The following DPP6 variants were observed in gnomAD, a reference collection of about 807,000 sequenced individuals.
DPP6 encodes the protein A-type potassium channel modulatory protein DPP6.
In DPP6, 69 loss-of-function variants were observed where a neutral mutation model predicts 122.6. That is an observed-to-expected ratio of 0.56 (90% CI 0.46 to 0.69). The LOEUF (loss-of-function observed/expected upper bound fraction) is 0.69, where lower values mean the gene tolerates loss of function less well. Ranked by LOEUF, DPP6 falls within the 30% of genes least tolerant of loss-of-function variation. DPP6 has a pLI of 0.00. For synonymous variants in DPP6, 418 were observed against 433.1 expected (o/e 0.97, Z 0.43); for missense variants, 928 against 1,116.9 (o/e 0.83, Z 2.41).
the DPP6 span, among the ~76,000 whole-genome samples, chr7:153,865,300 A>G: frequency 3.3e-5 from 5 of 152,238 alleles, no homozygotes; most frequent in African/African-American, 1.2e-4. Context: ...CATTCAAAAC[A>G]ACAACCACAG....
intron 1 of DPP6, among the ~76,000 whole-genome samples, chr7:154,125,590 C>T (rs4639427): frequency 0.41 from 62,677 of 152,024 alleles, 14,130 homozygotes; most frequent in Non-Finnish European, 0.51. Context: ...AACACCCCAT[C>T]GGTAGGGCAC....
chr7:154,281,214 T>C (rs1007629106), intron 1 of DPP6, among the ~76,000 whole-genome samples: 2 of 152,010 alleles, frequency 1.3e-5, no homozygotes, highest in Non-Finnish European at 2.9e-5. Context: ...GGTTTCACTA[T>C]GTTGGCCAGG....
At chr7:153,863,569 C>T in the DPP6 span, among the ~76,000 whole-genome samples, 1 of 152,132 alleles carries the variant, frequency 6.6e-6, no homozygotes, top group African/African-American at 2.4e-5. Context: ...AGACTCCCAT[C>T]TCTAAAGAAA....
intron 3 of DPP6, among the ~76,000 whole-genome samples, chr7:154,532,002 A>T (rs1053137564): frequency 5.9e-5 from 9 of 152,154 alleles, no homozygotes; most frequent in Non-Finnish European, 8.8e-5. Flanking sequence ...CAGAGGAGAC[A>T]CTTAGAAAAC....
chr7:154,073,474 G>T (rs1371491345), intron 1 of DPP6, among the ~76,000 whole-genome samples: 2 of 152,272 alleles, frequency 1.3e-5, no homozygotes, highest in African/African-American at 4.8e-5. Flanking sequence ...ATCACACTTA[G>T]TGTTTTATAC....
chr7:154,653,357 A>G (rs1837004785), intron 6 of DPP6, among the ~76,000 whole-genome samples: 1 of 152,120 alleles, frequency 6.6e-6, no homozygotes, highest in African/African-American at 2.4e-5. Flanking sequence ...CTAAACATAG[A>G]TAGATAGATT....
At chr7:153,757,663 A>G in the DPP6 span, among the ~76,000 whole-genome samples, 7 of 152,204 alleles carry the variant, frequency 4.6e-5, no homozygotes, top group Admixed American at 4.6e-4. Flanking sequence ...TTCCAAGCCT[A>G]GAAAGAACCA....
rs867626361 is a variant in DPP6, at chr7:154,060,998, G to A, written c.243+7935G>A. Among the ~76,000 whole-genome samples the A allele has an allele frequency of 1.1e-4, 16 of 149,224 alleles. 1 individual carries two copies. Among genetic ancestry groups the A allele is most frequent in the Middle Eastern group, 3.5e-3 (1 of 286 alleles). On this transcript the variant is annotated intron_variant, in intron 1 of 25. Transcript: ENST00000377770. Reference sequence around the variant, plus strand: ...CCACCTGGAGGACTGTGGGTATTAGGTGTCCAAGTAGAGAGTTCAAATCTT... The same window carrying A: ...CCACCTGGAGGACTGTGGGTATTAGATGTCCAAGTAGAGAGTTCAAATCTT...
At chr7:154,380,426 C>T (rs1022556196) in intron 1 of DPP6, among the ~76,000 whole-genome samples, 8 of 152,256 alleles carry the variant, frequency 5.3e-5, no homozygotes, top group African/African-American at 1.2e-4. Flanking sequence ...CTAACATTGG[C>T]GACATCTACA....
chr7:154,323,256 T>A (rs1327666579), intron 1 of DPP6, among the ~76,000 whole-genome samples: 2 of 152,126 alleles, frequency 1.3e-5, no homozygotes, highest in Non-Finnish European at 2.9e-5. Flanking sequence ...AAGTCTCTTT[T>A]GGAGTTTATG....
chr7:154,147,100 C>T (rs1796130065), intron 1 of DPP6, among the ~76,000 whole-genome samples: 1 of 152,176 alleles, frequency 6.6e-6, no homozygotes, highest in South Asian at 2.1e-4. Context: ...AGGGAATCCA[C>T]TAAAGGCCAG....
At chr7:153,889,476 G>T (rs897330393) in intron 1 of DPP6, among the ~76,000 whole-genome samples, 1 of 152,072 alleles carries the variant, frequency 6.6e-6, no homozygotes, top group African/African-American at 2.4e-5. Flanking sequence ...TACTGATAAG[G>T]CAACATTATT....
intron 1 of DPP6, among the ~76,000 whole-genome samples, chr7:153,916,702 C>T (rs1024045837): frequency 3.9e-5 from 6 of 152,002 alleles, no homozygotes; most frequent in African/African-American, 9.7e-5. Flanking sequence ...CTACTGCACC[C>T]GGCCTTCTTT....
chr7:154,246,851 A>G (rs1194523350), intron 1 of DPP6, among the ~76,000 whole-genome samples: 1 of 152,256 alleles, frequency 6.6e-6, no homozygotes, highest in African/African-American at 2.4e-5. Flanking sequence ...ATCTAAATAT[A>G]AAAGCTAAAA....
At chr7:154,546,134 A>G (rs540342529) in intron 4 of DPP6, among the ~76,000 whole-genome samples, 1 of 152,306 alleles carries the variant, frequency 6.6e-6, no homozygotes, top group East Asian at 1.9e-4. Flanking sequence ...AATATGATGT[A>G]TTCATTAAAA....
chr7:154,256,261 G>A (rs1022103022), intron 1 of DPP6, among the ~76,000 whole-genome samples: 3 of 152,104 alleles, frequency 2.0e-5, no homozygotes, highest in Non-Finnish European at 4.4e-5. Context: ...CTTGATTAGT[G>A]GAAAGGTTTC....
chr7:154,226,139 G>A (rs10280438), intron 1 of DPP6, among the ~76,000 whole-genome samples: 7,198 of 152,230 alleles, frequency 0.047, 555 homozygotes, highest in African/African-American at 0.16. Context: ...AGGAACAGGG[G>A]AGGAGAAACC....
chr7:154,317,447 T>A (rs1807532000), intron 1 of DPP6, among the ~76,000 whole-genome samples: 1 of 152,240 alleles, frequency 6.6e-6, no homozygotes, highest in African/African-American at 2.4e-5. Flanking sequence ...CTTAGACATG[T>A]GGCTGCACCA....
In DPP6 at chr7:154,052,981, G is replaced by C. The variant is rs1192123768; in HGVS notation, c.161G>C (p.Arg54Pro). 2 of 1,097,350 alleles carry C rather than the reference G, an allele frequency of 1.8e-6. No homozygotes were observed. Among genetic ancestry groups the C allele is most frequent in the Non-Finnish European group, 1.1e-6 (1 of 903,298 alleles). The allele number at this position is 1,097,350 out of a possible 1,614,324, so 68.0% of individuals were successfully genotyped here. The change falls in exon 1 of 26, where the codon CGG becomes CCG. Residue 54 changes from arginine to proline, a missense_variant. Arg to Pro is a moderately radical substitution (Grantham distance 103, BLOSUM62 -2). Transcript: ENST00000377770. This position sits in a 1 kb window ranked among gnomAD's most constrained non-coding sequence, Gnocchi z 4.8. ...LGPRAQAAAP[R>P]ERGGGGGGAG... is the part of the protein sequence containing the mutation. ...CCGCGGGCGCAGGCGGCGGCGCCCCGGGAGCGCGGCGGCGGCGGCGGCGGC... is the reference window on the plus strand; with the variant it reads ...CCGCGGGCGCAGGCGGCGGCGCCCCCGGAGCGCGGCGGCGGCGGCGGCGGC...
Sources: gnomAD v4.1 joint callset for allele counts (sites outside exome capture counted in the v4.1 genomes callset) on GRCh38, gnomAD v4.1.1 for gene constraint, Gnocchi (gnomAD v3.1) non-coding constraint, MANE v1.5 for transcripts, NCBI Gene and HGNC (gene_info 2026-07-23, HGNC 2026-07-21) for gene names.